ACBD6: variants seen among roughly 807,000 people sequenced by gnomAD.
ACBD6 encodes acyl-CoA-binding domain-containing protein 6.
Under a neutral mutation model 37.2 loss-of-function variants are expected in ACBD6, and 28 were observed. The observed-to-expected ratio is 0.75, with a 90% CI of 0.56 to 1.03. The LOEUF is 1.03. Among genes scored for constraint, ACBD6 ranks in the 50% least tolerant of loss-of-function variants. The pLI is 0.00. For synonymous variants in ACBD6, 113 were observed against 126.8 expected (o/e 0.89, Z 0.73); for missense variants, 340 against 337.4 (o/e 1.01, Z -0.06).
chr1:180,441,471 C>G (rs560198202), intron 3 of ACBD6, among the ~76,000 whole-genome samples: 1 of 152,156 alleles, frequency 6.6e-6, no homozygotes, highest in Non-Finnish European at 1.5e-5. Context: ...ACTTGGACAG[C>G]GCTGCCATCT....
At chr1:180,393,122 T>C (rs547765846) in intron 6 of ACBD6, among the ~76,000 whole-genome samples, 5 of 152,148 alleles carry the variant, frequency 3.3e-5, no homozygotes, top group Admixed American at 1.3e-4. Flanking sequence ...GTAAGCCATA[T>C]CCTAATCCCA....
At chr1:180,358,116 T>G (rs1351716714) in intron 6 of ACBD6, among the ~76,000 whole-genome samples, 2 of 152,184 alleles carry the variant, frequency 1.3e-5, no homozygotes, top group African/African-American at 2.4e-5. Context: ...ACTTTAGACT[T>G]CTATCATGTA....
chr1:180,486,163 A>G (rs1266807424), intron 3 of ACBD6, among the ~76,000 whole-genome samples: 1 of 152,148 alleles, frequency 6.6e-6, no homozygotes, highest in Non-Finnish European at 1.5e-5. Flanking sequence ...GGATGAGGTA[A>G]CGTATCTCTA....
Position 180,502,044 on chromosome 1 carries a change from C to T in ACBD6, c.222+1G>A, listed in dbSNP as rs1420957395. Reference sequence around the variant, plus strand: ...CATCCACCCTCTCCCTGCTACTTTACCTGTTTGTACCTGGCATACAGGTAC... The same window carrying T: ...CATCCACCCTCTCCCTGCTACTTTATCTGTTTGTACCTGGCATACAGGTAC... On this transcript the variant is annotated splice_donor_variant, in intron 1 of 7. Coordinates refer to ENST00000367595, the MANE Select transcript of ACBD6 (RefSeq NM_032360.4). LOFTEE classifies it high-confidence loss of function. 1 of 1,613,442 alleles carries T rather than the reference C, an allele frequency of 6.2e-7. No homozygotes were observed. The highest frequency in any genetic ancestry group is 8.5e-7 in the Non-Finnish European group (1 of 1,179,746).
intron 3 of ACBD6, among the ~76,000 whole-genome samples, chr1:180,467,472 AC>A (rs1166876488): frequency 8.7e-6 from 1 of 114,520 alleles, no homozygotes. Context: ...AAAAAAAAAA[AC>A]AAAAACAAAC....
chr1:180,456,003 G>A (rs779600536), intron 3 of ACBD6, among the ~76,000 whole-genome samples: 44 of 152,094 alleles, frequency 2.9e-4, no homozygotes, highest in Non-Finnish European at 4.9e-4. Context: ...CTGAGGTCAG[G>A]AGTTCGAGAC....
intron 6 of ACBD6, among the ~76,000 whole-genome samples, chr1:180,316,087 C>T (rs1429446464): frequency 1.3e-5 from 2 of 151,954 alleles, no homozygotes; most frequent in South Asian, 4.2e-4. Context: ...CTTTGACCTG[C>T]CCTGCCCTTG....
At chr1:180,334,855 G>A (rs1264098467) in intron 6 of ACBD6, among the ~76,000 whole-genome samples, 2 of 152,118 alleles carry the variant, frequency 1.3e-5, no homozygotes, top group Admixed American at 6.5e-5. Flanking sequence ...CGAGAACTAC[G>A]TGACGAATGC....
chr1:180,436,546 C>T (rs1415642411), intron 3 of ACBD6, among the ~76,000 whole-genome samples: 1 of 152,100 alleles, frequency 6.6e-6, no homozygotes, highest in African/African-American at 2.4e-5. Context: ...TGTTTTTTTG[C>T]CCTTGCACCA....
At chr1:180,350,720 G>A (rs953456630) in intron 6 of ACBD6, among the ~76,000 whole-genome samples, 5 of 152,066 alleles carry the variant, frequency 3.3e-5, no homozygotes, top group Admixed American at 3.3e-4. Flanking sequence ...TACAAGATAG[G>A]CCACAATTCA....
chr1:180,390,534 G>T (rs567152130), intron 6 of ACBD6, among the ~76,000 whole-genome samples: 67 of 152,226 alleles, frequency 4.4e-4, no homozygotes, highest in African/African-American at 1.5e-3. Flanking sequence ...TCCCAATTCT[G>T]TGAAGAAAGT....
intron 3 of ACBD6, among the ~76,000 whole-genome samples, chr1:180,489,734 G>A (rs1400548765): frequency 6.6e-6 from 1 of 150,898 alleles, no homozygotes; most frequent in Non-Finnish European, 1.5e-5. Flanking sequence ...TCGGCTCACT[G>A]CAACCTCTGC....
At position 180,274,038 on chromosome 1, in the gene ACBD6, T is replaced by C. The variant is rs1648861961; in HGVS notation, c.*1011A>G. 4 of 940,570 alleles carry C rather than the reference T, an allele frequency of 4.3e-6. No individual in the cohort carries two copies. The East Asian group carries it at 9.9e-5, about 23-fold the overall frequency. The allele number at this position is 940,570 out of a possible 1,614,324, so 58.3% of individuals were successfully genotyped here. A position where few individuals can be genotyped will look rare whatever the true frequency, so the allele number is the denominator to read the frequency against. ...TTGGCCTCTGGATATCAGGCTGCCA[T>C]ATTGGTGTGTCTGACCCATGCTTGG... On this transcript the variant is annotated 3_prime_UTR_variant, in exon 11 of 14. Coordinates refer to the ACBD6 transcript ENST00000642319.
rs1412017389 is a variant in ACBD6 at position 180,271,761 on chromosome 1, C to T, written c.*1464G>A. The T allele has an allele frequency of 2.6e-5, 40 of 1,558,630 alleles. 1 individual carries two copies. Among genetic ancestry groups the T allele is most frequent in the African/African-American group, 1.2e-4 (9 of 73,782 alleles). On this transcript the variant is annotated 3_prime_UTR_variant, in exon 14 of 14. Transcript: ENST00000642319. The stretch of plus-strand genomic sequence containing the variant: ...AGGCTTCAGTCTGCTTCCAGCCGCC[C>T]GCCTAGGGGGTCCTGGGGGCTTTGG...
At chr1:180,469,363 AAT>A (rs1650470194) in intron 3 of ACBD6, among the ~76,000 whole-genome samples, 1 of 152,230 alleles carries the variant, frequency 6.6e-6, no homozygotes, top group South Asian at 2.1e-4. Flanking sequence ...AATTGTGTCA[AAT>A]AACTAGAAGT....
chr1:180,366,089 C>G (rs554707220), intron 6 of ACBD6, among the ~76,000 whole-genome samples: 2 of 152,136 alleles, frequency 1.3e-5, no homozygotes, highest in Non-Finnish European at 2.9e-5. Context: ...CTAGGCATAG[C>G]CAAATATATT....
At chr1:180,341,550 A>C (rs941883791) in intron 6 of ACBD6, among the ~76,000 whole-genome samples, 15 of 152,140 alleles carry the variant, frequency 9.9e-5, no homozygotes, top group African/African-American at 3.1e-4. Context: ...ATATGCTGCT[A>C]TCTCTCCAAA....
intron 4 of ACBD6, among the ~76,000 whole-genome samples, chr1:180,414,185 TA>T (rs752617903): frequency 6.6e-6 from 1 of 152,238 alleles, no homozygotes; most frequent in Admixed American, 6.5e-5. Flanking sequence ...GTTGTATGTA[TA>T]GGGGGAAGAA....
intron 6 of ACBD6, among the ~76,000 whole-genome samples, chr1:180,339,690 GA>G (rs1379674511): frequency 5.3e-5 from 8 of 151,876 alleles, no homozygotes; most frequent in African/African-American, 9.7e-5. Context: ...ATTAAAAAAA[GA>G]AAAAAAGAAA....
Sources: gnomAD v4.1 joint callset for allele counts (sites outside exome capture counted in the v4.1 genomes callset) on GRCh38, gnomAD v4.1.1 for gene constraint, MANE v1.5 for transcripts, NCBI Gene and HGNC (gene_info 2026-07-23, HGNC 2026-07-21) for gene names.